CFH: variants seen among roughly 807,000 people sequenced by gnomAD.
The protein encoded by CFH is complement factor H.
A neutral mutation model predicts 147.3 loss-of-function variants in CFH; 53 were observed. The observed-to-expected ratio is 0.36, with a 90% CI of 0.29 to 0.45. The LOEUF is 0.45. CFH is among the 20% of genes least tolerant of loss of function. The pLI is 1.00. For missense variants in CFH, 1,380 were observed against 1,498.0 expected, an observed-to-expected ratio of 0.92 and a Z score of 1.30; for synonymous variants, 536 against 489.4, an observed-to-expected ratio of 1.10 and a Z score of -1.26.
At chr1:196,655,700 C>T (rs1666662478) in intron 1 of CFH, among the ~76,000 whole-genome samples, 1 of 152,106 alleles carries the variant, frequency 6.6e-6, no homozygotes, top group African/African-American at 2.4e-5. Flanking sequence ...CTGCCTAGGC[C>T]TTTGAGATTC....
At chr1:196,712,065 G>A (rs368280710) in intron 9 of CFH, among the ~76,000 whole-genome samples, 3 of 152,156 alleles carry the variant, frequency 2.0e-5, no homozygotes. Flanking sequence ...CCATGCTGCT[G>A]TTTGGAAAAT....
intron 1 of CFH, among the ~76,000 whole-genome samples, chr1:196,664,147 C>T (rs1183529600): frequency 6.6e-6 from 1 of 152,150 alleles, no homozygotes; most frequent in African/African-American, 2.4e-5. Flanking sequence ...CCTTAAACTC[C>T]TGGGCTCAAG....
rs375951438 is a variant in CFH at position 196,740,736 on chromosome 1, G to A, written c.2900G>A (p.Gly967Glu). 138 of 1,613,740 alleles carry A rather than the reference G, an allele frequency of 8.6e-5. No homozygotes were observed. Among genetic ancestry groups the A allele is most frequent in the Middle Eastern group, 1.6e-4 (1 of 6,078 alleles). The change falls in exon 18 of 22, where the codon GGG (glycine) becomes GAG (glutamate). Residue 967 changes from glycine to glutamate, a missense_variant. By Grantham distance (98) the Gly-to-Glu change is moderately conservative (BLOSUM62 -2). Coordinates refer to ENST00000367429, the MANE Select transcript of CFH (RefSeq NM_000186.4). ...YKCFEGFGID[G>E]PAIAKCLGEK... ...TGTTTTGAAGGTTTTGGAATTGATG[G>A]GCCTGCAATTGCAAAATGCTTAGGA...
At chr1:196,687,914 A>G (rs1238066172) in intron 7 of CFH, among the ~76,000 whole-genome samples, 1 of 152,200 alleles carries the variant, frequency 6.6e-6, no homozygotes, top group East Asian at 1.9e-4. Context: ...AGTATCATTC[A>G]CTAGTCTTTA....
chr1:196,701,196 A>G, intron 9 of CFH: 1 of 1,355,756 alleles, frequency 7.4e-7, no homozygotes, highest in Non-Finnish European at 1.1e-6. Context: ...AGTGGAAGAA[A>G]TTACTAACTC....
rs962127231 is a variant in CFH, at chr1:196,679,865, ACTT to A, written c.790+73_790+75del. On this transcript the variant is annotated intron_variant, in intron 6 of 21. Transcript: ENST00000367429. Reference sequence around the variant, plus strand: ...TTTAATTAATTCTTTTAATAAATCCACTTATTTTAATCAAAAGTAGAGTGCTAA... The same window carrying A: ...TTTAATTAATTCTTTTAATAAATCCAATTTTAATCAAAAGTAGAGTGCTAA... 19 of 1,339,726 alleles carry A rather than the reference ACTT, an allele frequency of 1.4e-5. No individual in the cohort carries two copies. In the Admixed American group the frequency reaches 3.5e-4, roughly 25 times the overall value. 83.0% of individuals were successfully genotyped at this position (1,339,726 alleles called of 1,614,324 possible).
intron 13 of CFH, 44 bp from the exon 14 acceptor site, chr1:196,726,717 A>G (rs565633581): frequency 4.4e-6 from 7 of 1,605,116 alleles, no homozygotes; most frequent in African/African-American, 4.0e-5. Context: ...TAAAACACAT[A>G]CATCATGTTT....
chr1:196,725,380 C>T (rs1184719644), intron 12 of CFH, 83 bp downstream of exon 12: 2 of 1,322,466 alleles, frequency 1.5e-6, no homozygotes, highest in African/African-American at 2.9e-5. Flanking sequence ...GTTTGGGCTC[C>T]CATTGCCTGT....
chr1:196,683,919 TG>T lies in CFH; in HGVS notation c.791-1140del, dbSNP rs569983351. Among the ~76,000 whole-genome samples, 566 of 151,808 alleles carry T rather than the reference TG, an allele frequency of 3.7e-3. 1 individual carries two copies. The highest frequency in any genetic ancestry group is 5.7e-3 in the Non-Finnish European group (384 of 67,812). ...ATGGGAAATCAAATAGTAAATAAAT[TG>T]GGGGTATATAAATGGATTTCAAGCA... On this transcript the variant is annotated intron_variant, in intron 6 of 21. Transcript: ENST00000367429.
intron 9 of CFH, among the ~76,000 whole-genome samples, chr1:196,703,031 C>T (rs1459243859): frequency 6.6e-6 from 1 of 152,182 alleles, no homozygotes; most frequent in African/African-American, 2.4e-5. Context: ...GAGAAAGTTA[C>T]AAAACGTAGC....
intron 4 of CFH, among the ~76,000 whole-genome samples, chr1:196,676,499 ACTT>A (rs1026221094): frequency 1.3e-5 from 2 of 152,068 alleles, no homozygotes; most frequent in Non-Finnish European, 2.9e-5. Context: ...TTGCCTGTGG[ACTT>A]ACCTTTACTG....
intron 1 of CFH, among the ~76,000 whole-genome samples, chr1:196,667,808 A>G (rs1667149671): frequency 1.3e-5 from 2 of 152,042 alleles, no homozygotes; most frequent in Admixed American, 6.5e-5. Flanking sequence ...TCATTACATC[A>G]TGTATTCTAG....
chr1:196,655,608 A>G (rs903557324), intron 1 of CFH, among the ~76,000 whole-genome samples: 1 of 152,050 alleles, frequency 6.6e-6, no homozygotes, highest in African/African-American at 2.4e-5. Flanking sequence ...TTAATCCTCG[A>G]TTGTTTATTC....
chr1:196,705,767 C>T (rs1328762428), intron 9 of CFH, among the ~76,000 whole-genome samples: 1 of 152,104 alleles, frequency 6.6e-6, no homozygotes, highest in Non-Finnish European at 1.5e-5. Context: ...TTGGGTTAAC[C>T]TAGCACTGTA....
chr1:196,673,529 G>T (rs945360483), intron 2 of CFH: 3 of 374,600 alleles, frequency 8.0e-6, no homozygotes, highest in Non-Finnish European at 1.5e-5. Flanking sequence ...TAGAGATGGG[G>T]TTTCACCAAT....
chr1:196,741,763 T>C (rs1038177327), intron 18 of CFH, 112 bp from the exon 19 acceptor site: 3 of 930,460 alleles, frequency 3.2e-6, no homozygotes, highest in African/African-American at 3.3e-5. Context: ...AAGAAAAATG[T>C]TGTACAGTAT....
In CFH at chr1:196,652,139, A is replaced by C. The variant is rs1447569980; in HGVS notation, c.22A>C (p.Ile8Leu). 2 of 1,612,220 alleles carry C rather than the reference A, an allele frequency of 1.2e-6. No individual in the cohort carries two copies. The highest frequency in any genetic ancestry group is 2.7e-5 in the African/African-American group (2 of 75,012). MRLLAKI[I>L]CLMLWAICVA... is the part of the protein sequence containing the mutation. ...AAAAATGAGACTTCTAGCAAAGATT[A>C]TTTGCCTTATGTTATGGGCTATTTG... The change falls in exon 1 of 22, where the codon ATT becomes CTT. Residue 8 changes from isoleucine (I) to leucine (L), a missense_variant. Ile to Leu is a conservative substitution (Grantham distance 5). This residue lies in a region of CFH where 260 missense variants were observed against 263.3 expected (regional missense o/e 0.99). Transcript: ENST00000367429.
rs898918548 is a variant in CFH at position 196,705,071 on chromosome 1, G to A, written c.1337-8664G>A. Among the ~76,000 whole-genome samples, 25 of 152,290 alleles carry A rather than the reference G, an allele frequency of 1.6e-4. No homozygotes were observed. In the East Asian group the frequency reaches 1.9e-3, roughly 12 times the overall value. ...GGCTTCAAAAACTCACTAACCGTCC[G>A]GGGGAAATACATGCTAAGGAGTTTT... On this transcript the variant is annotated intron_variant, in intron 9 of 21. Transcript: ENST00000367429.
intron 1 of CFH, among the ~76,000 whole-genome samples, chr1:196,668,455 T>G (rs1189572031): frequency 2.6e-5 from 4 of 152,098 alleles, no homozygotes; most frequent in Non-Finnish European, 4.4e-5. Flanking sequence ...GGAAAAAAAA[T>G]GTTTCCTCTG....
Sources: allele counts gnomAD v4.1 joint callset (sites outside exome capture counted in the v4.1 genomes callset), GRCh38; gene constraint gnomAD v4.1.1; regional missense constraint gnomAD v4.1.1; transcripts MANE v1.5; gene names NCBI Gene and HGNC (gene_info 2026-07-23, HGNC 2026-07-21).